Variants in MS4A15 observed in about 807,000 individuals in gnomAD.
MS4A15 encodes the protein membrane spanning 4-domains A15, also known as membrane-spanning 4-domains subfamily A member 15.
In MS4A15, 22 loss-of-function variants were observed where a neutral mutation model predicts 20.6. The observed-to-expected ratio is 1.07, with a 90% CI of 0.76 to 1.52. MS4A15 has a LOEUF of 1.52. Ranked by LOEUF, MS4A15 falls within the 40% of genes most tolerant of loss-of-function variation. The pLI, the probability that MS4A15 is intolerant of heterozygous loss-of-function variation, is 0.00. For synonymous variants in MS4A15, 129 were observed against 129.3 expected, an observed-to-expected ratio of 1.00 and a Z score of 0.02; for missense variants, 312 against 323.0, an observed-to-expected ratio of 0.97 and a Z score of 0.26.
intron 4 of MS4A15, 23 bp from the exon 5 acceptor site, chr11:60,773,369 T>G (rs772003100): frequency 1.3e-6 from 2 of 1,599,420 alleles, no homozygotes; most frequent in Non-Finnish European, 8.5e-7. Context: ...TTCCCTCTGC[T>G]CCTGTCTCTC....
At chr11:60,775,536 G>T in intron 6 of MS4A15, 69 bp from the exon 7 acceptor site, 1 of 1,257,064 alleles carries the variant, frequency 8.0e-7, no homozygotes, top group Non-Finnish European at 1.1e-6. Flanking sequence ...ACCCACAAGG[G>T]GGCACTATTG....
chr11:60,763,923 G>A lies in MS4A15; in HGVS notation c.190G>A (p.Glu64Lys). Reference sequence around the variant, plus strand: ...ACAGCCACCTGACTTGCGGCCCGTGGAGACATTCCTGACAGGAGAGCCCAA... The same window carrying A: ...ACAGCCACCTGACTTGCGGCCCGTGAAGACATTCCTGACAGGAGAGCCCAA... ...ATQPPDLRPV[E>K]TFLTGEPKVL... is the part of the protein sequence containing the mutation. The change falls in exon 2 of 7, where the codon GAG (glutamate) becomes AAG (lysine). Residue 64 changes from glutamate to lysine, a missense_variant. Coordinates refer to ENST00000405633, the MANE Select transcript of MS4A15 (RefSeq NM_001098835.2). The A allele has an allele frequency of 6.2e-7, 1 of 1,613,104 alleles. No individual in the cohort carries two copies. The highest frequency in any genetic ancestry group is 8.5e-7 in the Non-Finnish European group (1 of 1,179,900).
intron 1 of MS4A15, among the ~76,000 whole-genome samples, chr11:60,762,493 A>T (rs1013217161): frequency 1.3e-5 from 2 of 152,246 alleles, no homozygotes; most frequent in Non-Finnish European, 2.9e-5. Context: ...TGGTCACAGC[A>T]ATTATAAACA....
chr11:60,772,736 G>C (rs1368690427), intron 4 of MS4A15, among the ~76,000 whole-genome samples: 1 of 152,094 alleles, frequency 6.6e-6, no homozygotes, highest in African/African-American at 2.4e-5. Context: ...CGTCAGGTTC[G>C]GGCTGCACGG....
At chr11:60,765,037 G>A (rs1342913955) in intron 2 of MS4A15, among the ~76,000 whole-genome samples, 1 of 152,222 alleles carries the variant, frequency 6.6e-6, no homozygotes, top group Non-Finnish European at 1.5e-5. Context: ...CCAGCTGTGT[G>A]AGCAGTAAGC....
intron 3 of MS4A15, among the ~76,000 whole-genome samples, chr11:60,769,789 C>T (rs557509205): frequency 4.4e-4 from 67 of 152,260 alleles, no homozygotes; most frequent in Non-Finnish European, 7.1e-4. Flanking sequence ...AGCAGCAGGT[C>T]GCGCCGGATC....
At chr11:60,768,611 C>G (rs933859732) in intron 3 of MS4A15, among the ~76,000 whole-genome samples, 1 of 152,184 alleles carries the variant, frequency 6.6e-6, no homozygotes, top group Non-Finnish European at 1.5e-5. Flanking sequence ...AAGATGGAGT[C>G]CCTTGGGCAC....
intron 1 of MS4A15, among the ~76,000 whole-genome samples, chr11:60,762,979 T>G (rs1326718170): frequency 1.3e-5 from 2 of 152,106 alleles, no homozygotes; most frequent in Non-Finnish European, 2.9e-5. Flanking sequence ...CAAAAAGCCA[T>G]CTAGTGGATG....
intron 2 of MS4A15, among the ~76,000 whole-genome samples, chr11:60,766,022 A>G (rs1375676492): frequency 1.3e-5 from 2 of 152,242 alleles, no homozygotes; most frequent in Non-Finnish European, 2.9e-5. Context: ...TAGCTGGGAC[A>G]CTTCGGGCAA....
At chr11:60,769,214 C>T (rs554111834) in intron 3 of MS4A15, among the ~76,000 whole-genome samples, 5 of 152,292 alleles carry the variant, frequency 3.3e-5, no homozygotes, top group East Asian at 3.9e-4. Context: ...ACATGAGCGT[C>T]GGGAGATCCT....
At chr11:60,758,260 A>C (rs1590972123) in intron 1 of MS4A15, among the ~76,000 whole-genome samples, 1 of 64,468 alleles carries the variant, frequency 1.6e-5, no homozygotes, top group Admixed American at 1.2e-4. Context: ...TACAAACATA[A>C]AAAAAAAAAA....
chr11:60,775,511 C>T, intron 6 of MS4A15, 94 bp from the exon 7 acceptor site: 6 of 932,346 alleles, frequency 6.4e-6, no homozygotes, highest in Non-Finnish European at 1.0e-5. Flanking sequence ...AGTACCAGGG[C>T]GCTGTTCTCA....
Position 60,773,437 on chromosome 11 carries a change from T to C in MS4A15, c.451T>C (p.Phe151Leu). 1 of 1,613,874 alleles carries C rather than the reference T, an allele frequency of 6.2e-7. No homozygotes were observed. Among genetic ancestry groups the C allele is most frequent in the Non-Finnish European group, 8.5e-7 (1 of 1,179,974 alleles). The change falls in exon 5 of 7, where the codon TTT (phenylalanine) becomes CTT (leucine). Residue 151 changes from phenylalanine (F) to leucine (L), a missense_variant. Phe to Leu is a conservative substitution (Grantham distance 22). Coordinates refer to ENST00000405633, the MANE Select transcript of MS4A15 (RefSeq NM_001098835.2). ...GTNILSVMAAFAGTAILLMDF... is the reference protein window; with the variant it reads ...GTNILSVMAALAGTAILLMDF... ...CAACATCCTCAGCGTCATGGCGGCC[T>C]TTGCTGGGACAGCCATTCTGCTCAT...
intron 1 of MS4A15, among the ~76,000 whole-genome samples, chr11:60,759,928 A>G (rs1428263798): frequency 6.6e-6 from 1 of 152,098 alleles, no homozygotes; most frequent in Non-Finnish European, 1.5e-5. Context: ...GAAAATAGTA[A>G]TCAATAAACC....
intron 5 of MS4A15, 137 bp from the exon 6 acceptor site, chr11:60,773,700 A>T: frequency 1.2e-6 from 1 of 823,476 alleles, no homozygotes; most frequent in Non-Finnish European, 2.1e-6. Context: ...AGGGTGCAGG[A>T]CTGGCGGCAG....
chr11:60,770,459 G>A (rs1269135220), intron 3 of MS4A15, among the ~76,000 whole-genome samples: 1 of 151,870 alleles, frequency 6.6e-6, no homozygotes, highest in African/African-American at 2.4e-5. Flanking sequence ...TTAGCTGGGT[G>A]TGGTGGCGGG....
At chr11:60,773,173 G>A (rs1474939622) in intron 4 of MS4A15, among the ~76,000 whole-genome samples, 1 of 152,204 alleles carries the variant, frequency 6.6e-6, no homozygotes, top group Non-Finnish European at 1.5e-5. Flanking sequence ...GACGAGAGAA[G>A]GAAAGAGAGA....
chr11:60,773,572 G>A (rs941734709), intron 5 of MS4A15, 88 bp downstream of exon 5: 30 of 1,249,118 alleles, frequency 2.4e-5, no homozygotes, highest in African/African-American at 2.1e-4. Context: ...AGTTTGCAGC[G>A]CCAGGACGTT....
Position 60,773,863 on chromosome 11 carries a change from G to A in MS4A15, c.525G>A (p.Val175=). Residue 175 remains valine, a synonymous_variant, in exon 6 of 7, where the codon GTG becomes GTA. Coordinates refer to ENST00000405633, the MANE Select transcript of MS4A15 (RefSeq NM_001098835.2). ...ATGTGGACAGGGGCTATCTGGCCGT[G>A]CTTACTATCTTCACTGTCCTGGAGT... ...NRDVDRGYLA[V]LTIFTVLEFF... 5.6e-6 allele frequency: 9 copies of A among 1,614,166 alleles called. No individual in the cohort carries two copies. Among genetic ancestry groups the A allele is most frequent in the Non-Finnish European group, 7.6e-6 (9 of 1,180,022 alleles).
Sources: allele counts gnomAD v4.1 joint callset (sites outside exome capture counted in the v4.1 genomes callset), GRCh38; gene constraint gnomAD v4.1.1; transcripts MANE v1.5; gene names NCBI Gene and HGNC (gene_info 2026-07-23, HGNC 2026-07-21).